The following FOXO3 variants were observed in gnomAD, a reference collection of about 807,000 sequenced individuals.
FOXO3 encodes the protein forkhead box O3, also known as forkhead box protein O3.
Under a neutral mutation model 41.9 loss-of-function variants are expected in FOXO3, and 4 were observed. The observed-to-expected ratio is 0.10, with a 90% confidence interval of 0.05 to 0.22. FOXO3 has a LOEUF of 0.22. Among genes scored for constraint, FOXO3 ranks in the 10% least tolerant of loss-of-function variants. FOXO3 has a pLI of 1.00. For synonymous variants in FOXO3, 318 were observed against 389.3 expected (o/e 0.82, Z 2.16); for missense variants, 534 against 906.8 (o/e 0.59, Z 5.28).
At chr6:108,602,202 G>A (rs1777071993) in intron 1 of FOXO3, among the ~76,000 whole-genome samples, 1 of 152,074 alleles carries the variant, frequency 6.6e-6, no homozygotes, top group South Asian at 2.1e-4. Flanking sequence ...AAGTGGAATT[G>A]ATGTCTGAGA....
chr6:108,625,859 C>A (rs1777801533), intron 1 of FOXO3, among the ~76,000 whole-genome samples: 1 of 152,140 alleles, frequency 6.6e-6, no homozygotes. Context: ...TAGTAGGGTG[C>A]CTCCCACCAC....
intron 1 of FOXO3, chr6:108,618,381 A>G (rs561439789): frequency 1.1e-5 from 6 of 524,292 alleles, no homozygotes; most frequent in African/African-American, 3.9e-5. Context: ...CCACAGAAGA[A>G]GGAGGCAGCA....
intron 1 of FOXO3, among the ~76,000 whole-genome samples, chr6:108,644,001 G>A (rs1404733831): frequency 2.6e-5 from 4 of 152,214 alleles, no homozygotes; most frequent in African/African-American, 7.2e-5. Context: ...CAGTGTAGTC[G>A]TAGAGCCTGT....
intron 1 of FOXO3, among the ~76,000 whole-genome samples, chr6:108,613,036 C>A (rs1160461659): frequency 6.6e-6 from 1 of 151,996 alleles, no homozygotes; most frequent in Non-Finnish European, 1.5e-5. Context: ...TTTTCTTTTT[C>A]AGTCTTTTAA....
intron 1 of FOXO3, among the ~76,000 whole-genome samples, chr6:108,604,711 G>C (rs1777144491): frequency 6.7e-6 from 1 of 149,266 alleles, no homozygotes; most frequent in South Asian, 2.1e-4. Context: ...TGAAGGTTGG[G>C]TTTTTTTTTT....
At chr6:108,598,144 A>G (rs1776939847) in intron 1 of FOXO3, among the ~76,000 whole-genome samples, 1 of 152,190 alleles carries the variant, frequency 6.6e-6, no homozygotes, top group Non-Finnish European at 1.5e-5. Flanking sequence ...CATGCAGTTA[A>G]TAATGTACAA....
chr6:108,593,748 G>A lies in FOXO3; in HGVS notation c.621+31919G>A, dbSNP rs1476548181. ...TTTTTTTTTTTTGAGATGTAGTCTC[G>A]CCCTGTCACCCAGTCTGGAGTGCAG... On this transcript the variant is annotated intron_variant, in intron 1 of 2. Transcript: ENST00000406360. Among the ~76,000 whole-genome samples, 8 of 107,190 alleles carry A rather than the reference G, an allele frequency of 7.5e-5. No homozygotes were observed. In the East Asian group the frequency reaches 1.4e-3, roughly 18 times the overall value. 70.3% of individuals were successfully genotyped at this position (107,190 alleles called of 152,430 possible).
chr6:108,579,059 G>T (rs1339063231), intron 1 of FOXO3, among the ~76,000 whole-genome samples: 1 of 152,158 alleles, frequency 6.6e-6, no homozygotes, highest in Non-Finnish European at 1.5e-5. Context: ...CAGTGGGTTG[G>T]CCAGTTCTGG....
Position 108,684,008 on chromosome 6 carries a change from A to G in FOXO3, c.*4216A>G, listed in dbSNP as rs1371116098. The G allele has an allele frequency of 6.6e-6, 1 of 152,628 alleles. No homozygotes were observed. Among genetic ancestry groups the G allele is most frequent in the Middle Eastern group, 3.2e-3 (1 of 316 alleles). 9.5% of individuals were successfully genotyped at this position (152,628 alleles called of 1,614,324 possible). A position where few individuals can be genotyped will look rare whatever the true frequency, so the allele number is the denominator to read the frequency against. The stretch of plus-strand genomic sequence containing the variant: ...TTTATCTAAATCTTAAGTGGGTAAC[A>G]TTTTATGCAGTTTAAATGAATGGAA... On this transcript the variant is annotated 3_prime_UTR_variant, in exon 3 of 3. Coordinates refer to ENST00000406360, the MANE Select transcript of FOXO3 (RefSeq NM_001455.4).
chr6:108,654,491 A>G (rs958703033), intron 1 of FOXO3, among the ~76,000 whole-genome samples: 21 of 152,120 alleles, frequency 1.4e-4, no homozygotes, highest in Non-Finnish European at 2.9e-4. Context: ...GGAAAGCCTC[A>G]TATGTCTCAT....
intron 1 of FOXO3, among the ~76,000 whole-genome samples, chr6:108,576,970 A>G (rs1776280295): frequency 6.6e-6 from 1 of 152,152 alleles, no homozygotes; most frequent in Non-Finnish European, 1.5e-5. Flanking sequence ...ATGATTTTAC[A>G]GCTTTGAAAA....
chr6:108,664,941 A>C, intron 2 of FOXO3, 52 bp downstream of exon 2: 2 of 1,473,424 alleles, frequency 1.4e-6, no homozygotes, highest in Non-Finnish European at 1.8e-6. Flanking sequence ...ATGAGGGGGG[A>C]TCTCTGGGGG....
intron 1 of FOXO3, among the ~76,000 whole-genome samples, chr6:108,615,365 A>T (rs1210453706): frequency 6.6e-6 from 1 of 152,136 alleles, no homozygotes; most frequent in Non-Finnish European, 1.5e-5. Context: ...AGACACTTTT[A>T]ATAGGTATAA....
At chr6:108,650,642 T>C (rs1778522814) in intron 1 of FOXO3, among the ~76,000 whole-genome samples, 1 of 152,248 alleles carries the variant, frequency 6.6e-6, no homozygotes, top group Admixed American at 6.5e-5. Flanking sequence ...TTATCTCATG[T>C]GCATTCAGTC....
intron 1 of FOXO3, among the ~76,000 whole-genome samples, chr6:108,652,485 A>G (rs1457083217): frequency 6.6e-6 from 1 of 152,186 alleles, no homozygotes; most frequent in East Asian, 1.9e-4. Flanking sequence ...TTCCTTGGTC[A>G]CTTGTTAGTG....
intron 1 of FOXO3, among the ~76,000 whole-genome samples, chr6:108,631,005 G>T (rs956643075): frequency 6.6e-6 from 1 of 152,030 alleles, no homozygotes; most frequent in Non-Finnish European, 1.5e-5. Context: ...ATGTATAAAT[G>T]TCTAAGCCTA....
chr6:108,669,876 T>C (rs1481581518), intron 2 of FOXO3, among the ~76,000 whole-genome samples: 1 of 152,182 alleles, frequency 6.6e-6, no homozygotes, highest in African/African-American at 2.4e-5. Flanking sequence ...CAAGCAGTTG[T>C]ATTTATAAAC....
chr6:108,560,498 T>C (rs1243496020), upstream of FOXO3, among the ~76,000 whole-genome samples: 1 of 152,090 alleles, frequency 6.6e-6, no homozygotes, highest in Admixed American at 6.5e-5. Flanking sequence ...GTTCGCCCTC[T>C]GGCCCGCGGG....
At chr6:108,617,911 G>A (rs1245546243) in intron 1 of FOXO3, 14 of 416,226 alleles carry the variant, frequency 3.4e-5, no homozygotes, top group Non-Finnish European at 5.9e-5. Context: ...AGTCAGGGAT[G>A]TATTGGAACC....
Sources: allele counts gnomAD v4.1 joint callset (sites outside exome capture counted in the v4.1 genomes callset), GRCh38; gene constraint gnomAD v4.1.1; transcripts MANE v1.5; gene names NCBI Gene and HGNC (gene_info 2026-07-23, HGNC 2026-07-21).